MRPS30: variants seen among roughly 807,000 people sequenced by gnomAD.
MRPS30 encodes the protein large ribosomal subunit protein mL65.
In MRPS30, 42 loss-of-function variants were observed where a neutral mutation model predicts 43.8. That is an observed-to-expected ratio of 0.96 (90% CI 0.75 to 1.24). MRPS30 has a LOEUF of 1.24. MRPS30 is among the 50% of genes most tolerant of loss of function. MRPS30 has a pLI of 0.00. For synonymous variants in MRPS30, 273 were observed against 228.2 expected (o/e 1.20, Z -1.77); for missense variants, 638 against 570.0 (o/e 1.12, Z -1.22).
rs1251471168 is a variant in MRPS30 at position 44,809,078 on chromosome 5, C to T, written c.116C>T (p.Thr39Ile). The T allele has an allele frequency of 1.3e-5, 21 of 1,609,858 alleles. No homozygotes were observed. Among genetic ancestry groups the T allele is most frequent in the East Asian group, 2.2e-5 (1 of 44,758 alleles). ...ACGACCTGCCAAGACGTCGCGGCGA[C>T]CCCCGTCGCGCGGTACCCGCCGATT... The part of the protein sequence containing the change: ...TETTCQDVAA[T>I]PVARYPPIVA... The change falls in exon 1 of 5, where the codon ACC becomes ATC. Residue 39 changes from threonine to isoleucine, a missense_variant. Physicochemically the swap from Thr to Ile is moderately conservative, Grantham distance 89. Transcript: ENST00000507110.
At chr5:44,812,903 A>T (rs144571376) in intron 3 of MRPS30, among the ~76,000 whole-genome samples, 1 of 152,224 alleles carries the variant, frequency 6.6e-6, no homozygotes, top group East Asian at 1.9e-4. Context: ...TAGCTAGCAG[A>T]TTGAGAAATT....
chr5:44,811,170 G>T lies in MRPS30; in HGVS notation c.747+16G>T, dbSNP rs370047537. ...ACTCGCAGAGGTAAGGATTTATTGC[G>T]ATTATGTATCTATTGATATCTCGTG... is the stretch of plus-strand genomic sequence containing the variant. On this transcript the variant is annotated intron_variant, in intron 2 of 4. Transcript: ENST00000507110. 23 of 1,611,828 alleles carry T rather than the reference G, an allele frequency of 1.4e-5. No homozygotes were observed. Among genetic ancestry groups the T allele is most frequent in the Non-Finnish European group, 1.9e-5 (22 of 1,178,354 alleles).
chr5:44,811,128 A>T lies in MRPS30; in HGVS notation c.721A>T (p.Ile241Phe). Reference sequence around the variant, plus strand: ...GATAGATGATAAACCAAACAACCAGATTCGAATATCCAAGCAACTCGCAGA... The same window carrying T: ...GATAGATGATAAACCAAACAACCAGTTTCGAATATCCAAGCAACTCGCAGA... ...YQIDDKPNNQ[I>F]RISKQLAEFV... The change falls in exon 2 of 5, where the codon ATT becomes TTT. Residue 241 changes from isoleucine (I) to phenylalanine (F), a missense_variant. Transcript: ENST00000507110. 1 of 1,614,082 alleles carries T rather than the reference A, an allele frequency of 6.2e-7. No homozygotes were observed. The highest frequency in any genetic ancestry group is 1.1e-5 in the South Asian group (1 of 91,088).
rs758060607 is a variant in MRPS30 at position 44,810,994 on chromosome 5, A to G, written c.602-15A>G. On this transcript the variant is annotated splice_polypyrimidine_tract_variant and intron_variant, in intron 1 of 4. Coordinates refer to ENST00000507110, the MANE Select transcript of MRPS30 (RefSeq NM_016640.4). ...GATGATCAGATGAAAAAAATTTTGA[A>G]TATCTTTTTGATAGATTATAGATGC... 2 of 1,609,252 alleles carry G rather than the reference A, an allele frequency of 1.2e-6. No individual in the cohort carries two copies. Among genetic ancestry groups the G allele is most frequent in the Non-Finnish European group, 1.7e-6 (2 of 1,177,116 alleles).
intron 1 of MRPS30, 107 bp downstream of exon 1, chr5:44,809,670 T>G: frequency 7.9e-7 from 1 of 1,268,292 alleles, no homozygotes; most frequent in East Asian, 2.4e-5. Flanking sequence ...GCTTCGTTCA[T>G]GTTTTCCTAG....
Position 44,814,930 on chromosome 5 carries a change from G to C in MRPS30, c.1048G>C (p.Asp350His). The C allele has an allele frequency of 6.2e-7, 1 of 1,610,630 alleles. No homozygotes were observed. Among genetic ancestry groups the C allele is most frequent in the Non-Finnish European group, 8.5e-7 (1 of 1,178,306 alleles). Reference sequence around the variant, plus strand: ...TTCTACAGGATTCTGGAGTGAAGCAGATGTTACTCGACCTTTTGTCTCCCA... The same window carrying C: ...TTCTACAGGATTCTGGAGTGAAGCACATGTTACTCGACCTTTTGTCTCCCA... ...AMYQGFWSEA[D>H]VTRPFVSQAV... Residue 350 changes from aspartate (D) to histidine (H), a missense_variant, in exon 5 of 5, where the codon GAT becomes CAT. Transcript: ENST00000507110.
chr5:44,812,912 T>A (rs1207919209), intron 3 of MRPS30, among the ~76,000 whole-genome samples, 194 bp from the exon 4 acceptor site: 1 of 152,124 alleles, frequency 6.6e-6, no homozygotes, highest in Non-Finnish European at 1.5e-5. Context: ...GATTGAGAAA[T>A]TATGCTTTCC....
rs756130050 is a variant in MRPS30, at chr5:44,811,104, A to G, written c.697A>G (p.Ile233Val). 3.1e-6 allele frequency: 5 copies of G among 1,614,104 alleles called. No individual in the cohort carries two copies. The South Asian group carries it at 3.3e-5, about 11-fold the overall frequency. ...RGRIDDLRYQ[I>V]DDKPNNQIRI... Reference sequence around the variant, plus strand: ...TCGAATTGATGACTTGCGATACCAGATAGATGATAAACCAAACAACCAGAT... The same window carrying G: ...TCGAATTGATGACTTGCGATACCAGGTAGATGATAAACCAAACAACCAGAT... Residue 233 changes from isoleucine (I) to valine (V), a missense_variant, in exon 2 of 5, where the codon ATA becomes GTA. By Grantham distance (29) the Ile-to-Val change is conservative. Coordinates refer to ENST00000507110, the MANE Select transcript of MRPS30 (RefSeq NM_016640.4).
chr5:44,809,714 G>C (rs1436327694), intron 1 of MRPS30, 151 bp downstream of exon 1: 4 of 841,104 alleles, frequency 4.8e-6, no homozygotes, highest in Non-Finnish European at 5.4e-6. Context: ...GCCTGGTTTT[G>C]TAACAGTCAC....
chr5:44,812,334 G>T (rs1561265928), intron 3 of MRPS30, among the ~76,000 whole-genome samples: 1 of 152,156 alleles, frequency 6.6e-6, no homozygotes, highest in Non-Finnish European at 1.5e-5. Flanking sequence ...AACTGGACTT[G>T]AGATAGCAAT....
intron 1 of MRPS30, 83 bp from the exon 2 acceptor site, chr5:44,810,926 A>C (rs1742829734): frequency 1.2e-5 from 14 of 1,217,246 alleles, no homozygotes; most frequent in Non-Finnish European, 1.4e-5. Context: ...TCATTTGCTA[A>C]GTTAGTACTC....
Position 44,814,997 on chromosome 5 carries a change from A to G in MRPS30, c.1115A>G (p.Tyr372Cys), listed in dbSNP as rs1437186757. The stretch of plus-strand genomic sequence containing the variant: ...GGAAAATACTTTTCCTTTTTCTGCT[A>G]CCAGCTAAATACTTTGGCACTGACT... ...TDGKYFSFFC[Y>C]QLNTLALTTQ... The change falls in exon 5 of 5, where the codon TAC becomes TGC. Residue 372 changes from tyrosine (Y) to cysteine (C), a missense_variant. Coordinates refer to ENST00000507110, the MANE Select transcript of MRPS30 (RefSeq NM_016640.4). 1 of 1,613,688 alleles carries G rather than the reference A, an allele frequency of 6.2e-7. No homozygotes were observed. The highest frequency in any genetic ancestry group is 8.5e-7 in the Non-Finnish European group (1 of 1,179,686).
Position 44,809,534 on chromosome 5 carries a change from A to G in MRPS30, c.572A>G (p.His191Arg), listed in dbSNP as rs560626141. Residue 191 changes from histidine to arginine, a missense_variant, in exon 1 of 5, where the codon CAC becomes CGC. Transcript: ENST00000507110. ...VSTLVGLLSP[H>R]NPALAAAALD... ...ACCCTCGTGGGCCTCCTCAGCCCAC[A>G]CAACCCGGCCCTGGCCGCTGCCGCC... 2.5e-6 allele frequency: 4 copies of G among 1,608,746 alleles called. No individual in the cohort carries two copies. The highest frequency in any genetic ancestry group is 2.5e-6 in the Non-Finnish European group (3 of 1,177,660).
rs770875007 is a variant in MRPS30, at chr5:44,809,152, G to A, written c.190G>A (p.Glu64Lys). Reference sequence around the variant, plus strand: ...CAAAGCTGCACGGCTGCGGCGGATCGAGCGCTGGCAGGCGACGGTGCACGC... The same window carrying A: ...CAAAGCTGCACGGCTGCGGCGGATCAAGCGCTGGCAGGCGACGGTGCACGC... ...DSKAARLRRI[E>K]RWQATVHAAE... is the part of the protein sequence containing the mutation. The change falls in exon 1 of 5, where the codon GAG becomes AAG. Residue 64 changes from glutamate (E) to lysine (K), a missense_variant. Physicochemically the swap from Glu to Lys is moderately conservative, Grantham distance 56. Coordinates refer to ENST00000507110, the MANE Select transcript of MRPS30 (RefSeq NM_016640.4). 21 of 1,611,760 alleles carry A rather than the reference G, an allele frequency of 1.3e-5. No homozygotes were observed. The East Asian group carries it at 4.2e-4, about 33-fold the overall frequency.
chr5:44,809,537 A>G lies in MRPS30; in HGVS notation c.575A>G (p.Asn192Ser). Residue 192 changes from asparagine to serine, a missense_variant, in exon 1 of 5, where the codon AAC becomes AGC. By Grantham distance (46) the Asn-to-Ser change is conservative. Coordinates refer to ENST00000507110, the MANE Select transcript of MRPS30 (RefSeq NM_016640.4). ...STLVGLLSPH[N>S]PALAAAALDY... ...CTCGTGGGCCTCCTCAGCCCACACA[A>G]CCCGGCCCTGGCCGCTGCCGCCCTC... 6.2e-7 allele frequency: 1 copy of G among 1,604,316 alleles called. No homozygotes were observed. The highest frequency in any genetic ancestry group is 8.5e-7 in the Non-Finnish European group (1 of 1,175,448).
intron 2 of MRPS30, among the ~76,000 whole-genome samples, chr5:44,811,660 G>A (rs1480899494): frequency 6.6e-6 from 1 of 152,194 alleles, no homozygotes; most frequent in African/African-American, 2.4e-5. Flanking sequence ...AGTCTCTGTT[G>A]CAAGTGTTCA....
At chr5:44,809,657 T>A in intron 1 of MRPS30, 94 bp downstream of exon 1, 1 of 1,320,346 alleles carries the variant, frequency 7.6e-7, no homozygotes, top group South Asian at 1.4e-5. Context: ...TTTCTTTCTC[T>A]CTGCTTCGTT....
In MRPS30 at chr5:44,811,013, T is replaced by C. The variant is rs1438495460; in HGVS notation, c.606T>C (p.Tyr202=). ...TTTTGAATATCTTTTTGATAGATTA[T>C]AGATGCCCAGTTCATTTTTACTGGG... ...NPALAAAALD[Y]RCPVHFYWVR... Residue 202 remains tyrosine (Y), a synonymous_variant, in exon 2 of 5, where the codon TAT becomes TAC. Coordinates refer to ENST00000507110, the MANE Select transcript of MRPS30 (RefSeq NM_016640.4). 1.2e-6 allele frequency: 2 copies of C among 1,613,718 alleles called. No homozygotes were observed. The highest frequency in any genetic ancestry group is 1.1e-5 in the South Asian group (1 of 91,038).
Position 44,813,244 on chromosome 5 carries a change from GC to G in MRPS30, c.994del (p.Leu332PhefsTer29). On this transcript the variant is annotated frameshift_variant, in exon 4 of 5. Transcript: ENST00000507110. LOFTEE classifies it high-confidence loss of function. ...GTTTTTAGAGCTAATGCTATTGCAA[GC>G]CTTTTTGCTTGGACTGGAGCACAAG... is the stretch of plus-strand genomic sequence containing the variant. ...EVVFRANAIA[S>X]LFAWTGAQAM... 1 of 1,609,610 alleles carries G rather than the reference GC, an allele frequency of 6.2e-7. No individual in the cohort carries two copies. Among genetic ancestry groups the G allele is most frequent in the South Asian group, 1.1e-5 (1 of 89,806 alleles).
Sources: allele counts gnomAD v4.1 joint callset (sites outside exome capture counted in the v4.1 genomes callset), GRCh38; gene constraint gnomAD v4.1.1; transcripts MANE v1.5; gene names NCBI Gene and HGNC (gene_info 2026-07-23, HGNC 2026-07-21).